Variants in PDGFC observed in about 807,000 individuals in gnomAD.
PDGFC encodes the protein platelet derived growth factor C.
PDGFC carries 12 observed loss-of-function variants against 35.5 expected under a neutral mutation model. The observed-to-expected ratio is 0.34, with a 90% CI of 0.22 to 0.55. The LOEUF (loss-of-function observed/expected upper bound fraction) is 0.55. PDGFC is among the 20% of genes least tolerant of loss of function. The probability of loss-of-function intolerance (pLI) is 0.91; values close to 1 mark genes in which losing one functional copy is unlikely to be tolerated. For synonymous variants in PDGFC, 159 were observed against 148.8 expected (o/e 1.07, Z -0.50); for missense variants, 322 against 412.4 (o/e 0.78, Z 1.90).
At chr4:156,814,752 G>A (rs977021353) in intron 2 of PDGFC, among the ~76,000 whole-genome samples, 21 of 151,982 alleles carry the variant, frequency 1.4e-4, no homozygotes, top group Admixed American at 6.6e-5. Flanking sequence ...TTCTTTAAAA[G>A]TATTTTAAAA....
At chr4:156,826,783 A>T (rs1437786544) in intron 2 of PDGFC, among the ~76,000 whole-genome samples, 1 of 152,182 alleles carries the variant, frequency 6.6e-6, no homozygotes, top group Non-Finnish European at 1.5e-5. Context: ...CCTGATTTTA[A>T]AAGAAAATAT....
At chr4:156,798,972 C>T (rs4691380) in intron 3 of PDGFC, among the ~76,000 whole-genome samples, 68,243 of 152,014 alleles carry the variant, frequency 0.45, 17,876 homozygotes, top group African/African-American at 0.73. Flanking sequence ...TTTGGAGCCT[C>T]CTACGTTTAT....
intron 1 of PDGFC, among the ~76,000 whole-genome samples, chr4:156,903,329 A>T (rs1730839709): frequency 6.6e-6 from 1 of 152,084 alleles, no homozygotes; most frequent in Non-Finnish European, 1.5e-5. Flanking sequence ...TATACATTTA[A>T]GTCCTAGTGG....
intron 1 of PDGFC, among the ~76,000 whole-genome samples, chr4:156,914,517 G>A (rs928744023): frequency 1.3e-5 from 2 of 152,224 alleles, no homozygotes; most frequent in East Asian, 3.9e-4. Flanking sequence ...AAGAACTCAC[G>A]GCTATTGCCA....
At chr4:156,837,924 C>T (rs544184266) in intron 2 of PDGFC, among the ~76,000 whole-genome samples, 4 of 152,170 alleles carry the variant, frequency 2.6e-5, no homozygotes, top group East Asian at 3.9e-4. Flanking sequence ...ATCCCTTGAT[C>T]TCAGACTTGG....
At chr4:156,882,552 T>A (rs1730268329) in intron 1 of PDGFC, among the ~76,000 whole-genome samples, 1 of 152,124 alleles carries the variant, frequency 6.6e-6, no homozygotes, top group East Asian at 1.9e-4. Flanking sequence ...ATATCCAGGG[T>A]ATAGAAGGTT....
intron 2 of PDGFC, among the ~76,000 whole-genome samples, chr4:156,821,197 G>A (rs80253825): frequency 9.4e-6 from 1 of 106,080 alleles, no homozygotes. Flanking sequence ...GTGTGTGTAT[G>A]TGTGTGTGTG....
chr4:156,877,826 A>G (rs1024285545), intron 1 of PDGFC, among the ~76,000 whole-genome samples: 1 of 152,056 alleles, frequency 6.6e-6, no homozygotes, highest in Non-Finnish European at 1.5e-5. Flanking sequence ...CCTGCATCCC[A>G]CATTTTTTTG....
intron 1 of PDGFC, among the ~76,000 whole-genome samples, chr4:156,957,027 A>T (rs1732229427): frequency 6.6e-6 from 1 of 151,906 alleles, no homozygotes; most frequent in African/African-American, 2.4e-5. Flanking sequence ...GCTTGGTCAA[A>T]AATTATCTCA....
chr4:156,948,150 T>TA lies in PDGFC; in HGVS notation c.118+22635dup, dbSNP rs796601601. The stretch of plus-strand genomic sequence containing the variant: ...TTCCAGATGTTTCCAACAAGTGTAC[T>TA]AAAAAAAAAAAAAACCTCCCAGAAT... On this transcript the variant is annotated intron_variant, in intron 1 of 5. Coordinates refer to ENST00000502773, the MANE Select transcript of PDGFC (RefSeq NM_016205.3). Among the ~76,000 whole-genome samples, 574 of 79,836 alleles carry TA rather than the reference T, an allele frequency of 7.2e-3. 6 individuals carry two copies. The highest frequency in any genetic ancestry group is 0.069 in the East Asian group (211 of 3,040). The allele number at this position is 79,836 out of a possible 152,430, so 52.4% of individuals were successfully genotyped here. A position where few individuals can be genotyped will look rare whatever the true frequency, so the allele number is the denominator to read the frequency against.
intron 2 of PDGFC, among the ~76,000 whole-genome samples, chr4:156,846,488 T>C (rs1230982695): frequency 6.6e-6 from 1 of 151,670 alleles, no homozygotes; most frequent in African/African-American, 2.4e-5. Context: ...TCCTGACCAA[T>C]GTCATGAAAG....
intron 3 of PDGFC, 23 bp downstream of exon 3, chr4:156,810,814 G>C (rs1579024020): frequency 6.9e-7 from 1 of 1,440,414 alleles, no homozygotes; most frequent in East Asian, 2.4e-5. Context: ...AATTAAATAA[G>C]GGGATCTGAA....
intron 1 of PDGFC, chr4:156,876,683 C>G (rs1290103574): frequency 2.0e-5 from 3 of 152,134 alleles, no homozygotes; most frequent in African/African-American, 7.2e-5. Context: ...CTTCTTTATA[C>G]ACAAAATTAT....
intron 1 of PDGFC, among the ~76,000 whole-genome samples, chr4:156,956,665 A>T (rs976686271): frequency 1.3e-5 from 2 of 152,064 alleles, no homozygotes; most frequent in African/African-American, 4.8e-5. Flanking sequence ...GAGGAAATTT[A>T]AAAATGTAAA....
At chr4:156,938,736 C>A (rs932265955) in intron 1 of PDGFC, among the ~76,000 whole-genome samples, 2 of 151,726 alleles carry the variant, frequency 1.3e-5, no homozygotes, top group Admixed American at 6.6e-5. Flanking sequence ...ATTTTAGGCA[C>A]TTTATTCAAA....
chr4:156,961,353 G>A (rs1033599642), intron 1 of PDGFC, among the ~76,000 whole-genome samples: 2 of 152,098 alleles, frequency 1.3e-5, no homozygotes, highest in Non-Finnish European at 2.9e-5. Context: ...GTTGTTAATG[G>A]TTTCTGATCT....
At chr4:156,897,329 TGAGA>T (rs570610906) in intron 1 of PDGFC, among the ~76,000 whole-genome samples, 6 of 141,096 alleles carry the variant, frequency 4.3e-5, no homozygotes, top group Admixed American at 7.5e-5. Context: ...AGAGAGAATA[TGAGA>T]GAGTGTGTGA....
At chr4:156,878,195 C>T (rs1730159872) in intron 1 of PDGFC, among the ~76,000 whole-genome samples, 1 of 152,086 alleles carries the variant, frequency 6.6e-6, no homozygotes, top group Non-Finnish European at 1.5e-5. Flanking sequence ...TGGGGGTAGG[C>T]AGATGGCTAT....
chr4:156,900,244 G>C (rs1375620458), intron 1 of PDGFC, among the ~76,000 whole-genome samples: 1 of 152,084 alleles, frequency 6.6e-6, no homozygotes, highest in African/African-American at 2.4e-5. Context: ...ATTCCTGAAT[G>C]TCACACCTAA....
Sources: gnomAD v4.1 joint callset for allele counts (sites outside exome capture counted in the v4.1 genomes callset) on GRCh38, gnomAD v4.1.1 for gene constraint, MANE v1.5 for transcripts, NCBI Gene and HGNC (gene_info 2026-07-23, HGNC 2026-07-21) for gene names.